CIMAP3: variants seen among roughly 807,000 people sequenced by gnomAD.
CIMAP3 encodes the protein ciliary microtubule-associated protein 3.
the CIMAP3 span, among the ~76,000 whole-genome samples, chr1:111,341,364 A>T: frequency 1.3e-3 from 198 of 152,232 alleles, 1 homozygote; most frequent in Non-Finnish European, 1.6e-3. Context: ...ATAATAATAA[A>T]AAAAAAATCT....
At chr1:111,326,006 T>TAAACATGC in the CIMAP3 span, among the ~76,000 whole-genome samples, 3 of 152,100 alleles carry the variant, frequency 2.0e-5, no homozygotes, top group African/African-American at 7.3e-5. Flanking sequence ...GAAGAGAGTG[T>TAAACATGC]AAACATGCTG....
At chr1:111,348,192 A>C in the CIMAP3 span, 2 of 250,698 alleles carry the variant, frequency 8.0e-6, no homozygotes, top group South Asian at 2.1e-4. Context: ...TTTTCCTGAC[A>C]CTTGAGCTTA....
At chr1:111,327,596 G>C in the CIMAP3 span, among the ~76,000 whole-genome samples, 1 of 152,110 alleles carries the variant, frequency 6.6e-6, no homozygotes, top group Admixed American at 6.5e-5. Context: ...GAGGGTGTAT[G>C]TGTCCAGGAA....
chr1:111,350,604 G>T, the CIMAP3 span, among the ~76,000 whole-genome samples: 1 of 152,226 alleles, frequency 6.6e-6, no homozygotes, highest in East Asian at 1.9e-4. Flanking sequence ...TACCCCTTGA[G>T]TACTAGATCA....
chr1:111,339,346 T>C, the CIMAP3 span, among the ~76,000 whole-genome samples: 3 of 149,010 alleles, frequency 2.0e-5, no homozygotes, highest in Admixed American at 2.0e-4. Flanking sequence ...TGTTGGAAGT[T>C]CTGGCCAGGG....
chr1:111,324,692 T>C, the CIMAP3 span: 1 of 984,928 alleles, frequency 1.0e-6, no homozygotes, highest in East Asian at 1.1e-4. Context: ...TTGGTTAAAG[T>C]CCCCATGTGA....
the CIMAP3 span, among the ~76,000 whole-genome samples, chr1:111,343,681 A>T: frequency 6.6e-6 from 1 of 152,248 alleles, no homozygotes; most frequent in Non-Finnish European, 1.5e-5. Context: ...CACATGACAT[A>T]TAGACAGTCT....
the CIMAP3 span, among the ~76,000 whole-genome samples, chr1:111,342,448 C>T: frequency 1.3e-5 from 2 of 152,136 alleles, no homozygotes; most frequent in Non-Finnish European, 2.9e-5. Context: ...AAGTGGAACC[C>T]CTTGTTGAGA....
chr1:111,346,711 TA>T, the CIMAP3 span: 1 of 1,600,982 alleles, frequency 6.2e-7, no homozygotes, highest in Non-Finnish European at 8.6e-7. Context: ...AGAGGGCAGG[TA>T]GGGGGAAGGG....
At chr1:111,333,880 A>T in the CIMAP3 span, among the ~76,000 whole-genome samples, 1 of 152,238 alleles carries the variant, frequency 6.6e-6, no homozygotes, top group Non-Finnish European at 1.5e-5. Context: ...TCAGAACCTC[A>T]TAACCAGAAG....
the CIMAP3 span, among the ~76,000 whole-genome samples, chr1:111,344,078 A>G: frequency 1.3e-5 from 2 of 152,196 alleles, no homozygotes; most frequent in Admixed American, 1.3e-4. Flanking sequence ...CTTTTATTAT[A>G]AGCTCTTGTT....
the CIMAP3 span, among the ~76,000 whole-genome samples, chr1:111,334,733 A>T: frequency 6.6e-6 from 1 of 152,264 alleles, no homozygotes; most frequent in Non-Finnish European, 1.5e-5. Context: ...AATGGAATTG[A>T]GAAAATAATT....
chr1:111,338,181 G>C, the CIMAP3 span, among the ~76,000 whole-genome samples: 1 of 151,266 alleles, frequency 6.6e-6, no homozygotes, highest in Non-Finnish European at 1.5e-5. Flanking sequence ...GGAATCTCTG[G>C]GACACATTCA....
chr1:111,346,892 C>T, the CIMAP3 span: 3 of 1,612,304 alleles, frequency 1.9e-6, no homozygotes, highest in South Asian at 2.2e-5. Flanking sequence ...CACGTGGAGC[C>T]TCTCCTCTTT....
the CIMAP3 span, among the ~76,000 whole-genome samples, chr1:111,328,893 C>T: frequency 6.6e-6 from 1 of 152,132 alleles, no homozygotes; most frequent in Non-Finnish European, 1.5e-5. Context: ...TATCATTGTG[C>T]TGTTAGCTGG....
the CIMAP3 span, chr1:111,346,880 C>T: frequency 6.2e-7 from 1 of 1,609,674 alleles, no homozygotes; most frequent in Non-Finnish European, 8.5e-7. Context: ...GGTGCCGTCC[C>T]TCACGTGGAG....
chr1:111,345,382 T>C, the CIMAP3 span, among the ~76,000 whole-genome samples: 2 of 152,234 alleles, frequency 1.3e-5, no homozygotes, highest in Non-Finnish European at 2.9e-5. Context: ...TTAATGTATA[T>C]AACTACTACT....
the CIMAP3 span, among the ~76,000 whole-genome samples, chr1:111,335,263 A>C: frequency 6.8e-3 from 1,028 of 151,804 alleles, 14 homozygotes; most frequent in African/African-American, 0.023. Flanking sequence ...CAGCTCCCAG[A>C]GTGAGAGACA....
chr1:111,348,325 C>A, the CIMAP3 span: 1 of 501,670 alleles, frequency 2.0e-6, no homozygotes, highest in Non-Finnish European at 3.5e-6. Context: ...TTACGTATCA[C>A]TAGGTAGCTG....
Sources: gnomAD v4.1 joint callset for allele counts (sites outside exome capture counted in the v4.1 genomes callset) on GRCh38, gnomAD v4.1.1 for gene constraint, MANE v1.5 for transcripts, NCBI Gene and HGNC (gene_info 2026-07-23, HGNC 2026-07-21) for gene names.